The following BICD2 variants were observed in gnomAD, a reference collection of about 807,000 sequenced individuals.
BICD2 encodes BICD cargo adaptor 2, also known as protein bicaudal D homolog 2.
Under a neutral mutation model 72.9 loss-of-function variants are expected in BICD2, and 25 were observed. The observed-to-expected ratio is 0.34, with a 90% CI of 0.25 to 0.48. The LOEUF is 0.48. Ranked by LOEUF, BICD2 falls within the 20% of genes least tolerant of loss-of-function variation. The pLI, the probability that BICD2 is intolerant of heterozygous loss-of-function variation, is 0.99. For missense variants in BICD2, 894 were observed against 1,175.2 expected (o/e 0.76, Z 3.50); for synonymous variants, 501 against 516.1 (o/e 0.97, Z 0.40).
chr9:92,754,563 A>G (rs879257711), intron 1 of BICD2, among the ~76,000 whole-genome samples: 2 of 152,232 alleles, frequency 1.3e-5, no homozygotes, highest in African/African-American at 2.4e-5. Flanking sequence ...TTAAACCACA[A>G]TGAGATGCCA....
chr9:92,758,097 G>C (rs539539144), intron 1 of BICD2, among the ~76,000 whole-genome samples: 92 of 151,108 alleles, frequency 6.1e-4, no homozygotes, highest in Admixed American at 1.5e-3. Flanking sequence ...CCAGCTACTC[G>C]GGAGGCTGAG....
chr9:92,722,587 G>A, intron 3 of BICD2, 69 bp downstream of exon 3: 2 of 1,597,940 alleles, frequency 1.3e-6, no homozygotes, highest in East Asian at 2.2e-5. Context: ...AGGGAGAGGG[G>A]CTGAGCAAGA....
At chr9:92,717,510 T>G (rs1332767586) in intron 6 of BICD2, among the ~76,000 whole-genome samples, 1 of 152,234 alleles carries the variant, frequency 6.6e-6, no homozygotes. Flanking sequence ...TTGCGTGACC[T>G]CGGAGGAAGC....
intron 1 of BICD2, among the ~76,000 whole-genome samples, chr9:92,742,772 A>C (rs1339846118): frequency 6.6e-6 from 1 of 151,950 alleles, no homozygotes; most frequent in African/African-American, 2.4e-5. Flanking sequence ...CCTGAAAACC[A>C]ATCTATTTTC....
rs945627081 is a variant in BICD2, at chr9:92,713,144, G to C, written c.*2010C>G. The C allele has an allele frequency of 7.3e-6, 3 of 410,720 alleles. No individual in the cohort carries two copies. In the Admixed American group the frequency reaches 1.2e-4, roughly 16 times the overall value. The allele number at this position is 410,720 out of a possible 1,614,324, so 25.4% of individuals were successfully genotyped here. On this transcript the variant is annotated 3_prime_UTR_variant, in exon 7 of 7. Transcript: ENST00000356884. ...TTGATCGGATAAAAAAAGAACATGT[G>C]TAACAAGGAGCCCCCGTGGTGGGCG...
At position 92,729,066 on chromosome 9, in the gene BICD2, C is replaced by T. The variant is rs201096970; in HGVS notation, c.411G>A (p.Ser137=). 17 of 1,614,234 alleles carry T rather than the reference C, an allele frequency of 1.1e-5. No homozygotes were observed. The highest frequency in any genetic ancestry group is 2.2e-5 in the East Asian group (1 of 44,888). Residue 137 remains serine (S), a synonymous_variant, in exon 2 of 7, where the codon TCG becomes TCA. Coordinates refer to ENST00000356884, the MANE Select transcript of BICD2 (RefSeq NM_001003800.2). ...QLRNVLTNTQ[S]ENERLASVAQ... ...CCACAGAGGCCAGGCGCTCATTCTC[C>T]GACTGCGTGTTGGTGAGGACATTGC...
intron 6 of BICD2, among the ~76,000 whole-genome samples, chr9:92,716,125 C>T (rs1164590939): frequency 6.6e-6 from 1 of 152,118 alleles, no homozygotes; most frequent in South Asian, 2.1e-4. Context: ...AATCCCAGGG[C>T]TCCCAGGGCG....
chr9:92,738,622 G>A (rs934320062), intron 1 of BICD2, among the ~76,000 whole-genome samples: 1 of 152,220 alleles, frequency 6.6e-6, no homozygotes, highest in South Asian at 2.1e-4. Context: ...CCTGTACAGG[G>A]AGTTGAAACA....
At chr9:92,721,785 G>A (rs940513907) in intron 3 of BICD2, among the ~76,000 whole-genome samples, 7 of 152,216 alleles carry the variant, frequency 4.6e-5, no homozygotes, top group South Asian at 2.1e-4. Flanking sequence ...GCCACCATGC[G>A]CTGGGCTCTG....
chr9:92,726,099 G>T (rs574118171), intron 2 of BICD2, among the ~76,000 whole-genome samples: 1 of 152,126 alleles, frequency 6.6e-6, no homozygotes, highest in African/African-American at 2.4e-5. Flanking sequence ...CATACACAGC[G>T]GTTAGAGTCA....
chr9:92,715,609 G>A, intron 6 of BICD2, 146 bp from the exon 7 acceptor site: 2 of 804,890 alleles, frequency 2.5e-6, no homozygotes, highest in South Asian at 2.0e-5. Context: ...GGTGTGGCTG[G>A]GGAAGAATTA....
chr9:92,739,165 G>A, intron 1 of BICD2, among the ~76,000 whole-genome samples: 1 of 152,248 alleles, frequency 6.6e-6, no homozygotes, highest in South Asian at 2.1e-4. Flanking sequence ...TCGACGGGCT[G>A]TGAATACCTT....
chr9:92,734,565 A>G (rs1564066340), intron 1 of BICD2, among the ~76,000 whole-genome samples: 1 of 148,558 alleles, frequency 6.7e-6, no homozygotes, highest in Non-Finnish European at 1.5e-5. Context: ...CCCACCCCCA[A>G]CCCAGGACAG....
At chr9:92,762,737 T>G (rs1232521181) in intron 1 of BICD2, among the ~76,000 whole-genome samples, 3 of 152,154 alleles carry the variant, frequency 2.0e-5, no homozygotes, top group African/African-American at 7.2e-5. Flanking sequence ...GACAATTCCT[T>G]CTCACAGAGG....
chr9:92,736,539 G>T (rs534700333), intron 1 of BICD2, among the ~76,000 whole-genome samples: 5 of 152,320 alleles, frequency 3.3e-5, no homozygotes, highest in Admixed American at 1.3e-4. Context: ...ATATAATCAA[G>T]AAATAACTAT....
intron 1 of BICD2, among the ~76,000 whole-genome samples, chr9:92,742,218 C>G (rs748338526): frequency 2.0e-5 from 3 of 152,014 alleles, no homozygotes. Context: ...AAATTTATCT[C>G]AAAGATTTAG....
chr9:92,714,152 C>T lies in BICD2; in HGVS notation c.*1002G>A, dbSNP rs970970973. ...CTACCTGTGAATCCTGACAAGTGGC[C>T]CTGGCCCTATGCAAAGCTTTCCCAG... On this transcript the variant is annotated 3_prime_UTR_variant, in exon 7 of 7. Transcript: ENST00000356884. The T allele has an allele frequency of 1.2e-5, 12 of 985,604 alleles. 1 individual carries two copies. The East Asian group carries it at 5.7e-4, about 47-fold the overall frequency. The allele number at this position is 985,604 out of a possible 1,614,324, so 61.1% of individuals were successfully genotyped here.
At chr9:92,724,898 A>G (rs1587673041) in intron 2 of BICD2, among the ~76,000 whole-genome samples, 1 of 152,340 alleles carries the variant, frequency 6.6e-6, no homozygotes, top group South Asian at 2.1e-4. Flanking sequence ...AGTGGTCTGC[A>G]GCAGGTGTGC....
intron 1 of BICD2, among the ~76,000 whole-genome samples, chr9:92,760,463 C>T (rs918854703): frequency 5.9e-5 from 9 of 152,138 alleles, no homozygotes; most frequent in Admixed American, 3.3e-4. Flanking sequence ...AGTGCCCAGT[C>T]GCCAGGCCCT....
Sources: allele counts gnomAD v4.1 joint callset (sites outside exome capture counted in the v4.1 genomes callset), GRCh38; gene constraint gnomAD v4.1.1; transcripts MANE v1.5; gene names NCBI Gene and HGNC (gene_info 2026-07-23, HGNC 2026-07-21).